Variants in PRLR observed in about 807,000 individuals in gnomAD.
PRLR encodes prolactin receptor.
PRLR carries 13 observed loss-of-function variants against 40.2 expected under a neutral mutation model. The ratio of observed to expected loss-of-function variants is 0.32; its 90% CI spans 0.21 to 0.51. PRLR has a LOEUF of 0.51. Among genes scored for constraint, PRLR ranks in the 20% least tolerant of loss-of-function variants. The pLI is 0.97. For synonymous variants in PRLR, 269 were observed against 278.7 expected, an observed-to-expected ratio of 0.97 and a Z score of 0.35; for missense variants, 656 against 747.3, an observed-to-expected ratio of 0.88 and a Z score of 1.42.
intron 5 of PRLR, among the ~76,000 whole-genome samples, chr5:35,077,074 C>A (rs1262509321): frequency 6.6e-6 from 1 of 152,156 alleles, no homozygotes; most frequent in Non-Finnish European, 1.5e-5. Flanking sequence ...ACAACCGGTA[C>A]CAGCCACTGC....
intron 2 of PRLR, among the ~76,000 whole-genome samples, chr5:35,090,867 G>A (rs1466315220): frequency 7.4e-6 from 1 of 134,296 alleles, no homozygotes; most frequent in Non-Finnish European, 1.5e-5. Flanking sequence ...CTGGAGTGCA[G>A]TGGCGCGATC....
intron 2 of PRLR, among the ~76,000 whole-genome samples, chr5:35,116,242 C>T (rs1270580390): frequency 6.6e-6 from 1 of 152,070 alleles, no homozygotes; most frequent in Non-Finnish European, 1.5e-5. Flanking sequence ...CCTTTTAGGG[C>T]CTTGGTTTGC....
chr5:35,157,077 T>A (rs967995682), intron 1 of PRLR, among the ~76,000 whole-genome samples: 1 of 151,992 alleles, frequency 6.6e-6, no homozygotes, highest in Admixed American at 6.5e-5. Flanking sequence ...TGCAATGAGA[T>A]ATCTTGGGAA....
At chr5:35,103,665 T>G (rs1197262307) in intron 2 of PRLR, among the ~76,000 whole-genome samples, 2 of 152,214 alleles carry the variant, frequency 1.3e-5, no homozygotes, top group East Asian at 1.9e-4. Flanking sequence ...CCCATGATGG[T>G]TTTTCATCCT....
At chr5:35,216,909 G>A (rs1443029031) in intron 1 of PRLR, among the ~76,000 whole-genome samples, 1 of 152,212 alleles carries the variant, frequency 6.6e-6, no homozygotes, top group Non-Finnish European at 1.5e-5. Flanking sequence ...TTACAGCATA[G>A]TGGTCTTGAC....
intron 1 of PRLR, among the ~76,000 whole-genome samples, chr5:35,228,721 A>C (rs1199289423): frequency 2.0e-5 from 3 of 152,140 alleles, no homozygotes; most frequent in Non-Finnish European, 2.9e-5. Context: ...AGAGCTCTGG[A>C]GAGAGCATGT....
At chr5:35,193,820 G>A (rs1324061586) in intron 1 of PRLR, among the ~76,000 whole-genome samples, 3 of 152,166 alleles carry the variant, frequency 2.0e-5, no homozygotes. Flanking sequence ...GAGGTCATAT[G>A]GGCTAATTCT....
intron 1 of PRLR, among the ~76,000 whole-genome samples, chr5:35,209,746 C>T (rs982200964): frequency 2.0e-5 from 3 of 152,190 alleles, no homozygotes; most frequent in African/African-American, 7.2e-5. Flanking sequence ...AACGTATTCA[C>T]TGTGCCATGA....
intron 1 of PRLR, among the ~76,000 whole-genome samples, chr5:35,146,281 A>G (rs1774178724): frequency 6.6e-6 from 1 of 152,210 alleles, no homozygotes; most frequent in African/African-American, 2.4e-5. Flanking sequence ...CAAGGAGCTC[A>G]TAGTGTAGGA....
chr5:35,197,955 T>A (rs1775781262), intron 1 of PRLR, among the ~76,000 whole-genome samples: 1 of 152,208 alleles, frequency 6.6e-6, no homozygotes, highest in South Asian at 2.1e-4. Context: ...GAAAACCGCC[T>A]CTGATGGCTG....
intron 1 of PRLR, among the ~76,000 whole-genome samples, chr5:35,229,180 C>G (rs973162645): frequency 2.0e-5 from 3 of 149,844 alleles, no homozygotes; most frequent in African/African-American, 7.3e-5. Context: ...GAAAAAAAAT[C>G]GAAGCCCAGA....
rs186055891 is a variant in PRLR, at chr5:35,179,424, C to T, written c.-106+50844G>A. Reference sequence around the variant, plus strand: ...TTTACTGATTGCTAGCTACAGGCCACGCGAATAAGGCAGTTGTGGTAATAG... The same window carrying T: ...TTTACTGATTGCTAGCTACAGGCCATGCGAATAAGGCAGTTGTGGTAATAG... On this transcript the variant is annotated intron_variant, in intron 1 of 9. Coordinates refer to ENST00000618457, the MANE Select transcript of PRLR (RefSeq NM_000949.7). Among the ~76,000 whole-genome samples, 6 of 152,284 alleles carry T rather than the reference C, an allele frequency of 3.9e-5. No homozygotes were observed. In the East Asian group the frequency reaches 7.7e-4, roughly 20 times the overall value.
intron 1 of PRLR, among the ~76,000 whole-genome samples, chr5:35,183,956 A>C (rs1345149138): frequency 6.6e-6 from 1 of 152,160 alleles, no homozygotes; most frequent in African/African-American, 2.4e-5. Context: ...TGATAACTTG[A>C]ATTTATTTGT....
rs1268584420 is a variant in PRLR, at chr5:35,059,838, T to C, written c.*5251A>G. On this transcript the variant is annotated 3_prime_UTR_variant, in exon 10 of 10. Coordinates refer to ENST00000618457, the MANE Select transcript of PRLR (RefSeq NM_000949.7). The stretch of plus-strand genomic sequence containing the variant: ...CCAGTATCTAGTCATCGAAGTAACT[T>C]GGGTTTATTTATTGAGACAAGGTCT... The C allele has an allele frequency of 6.6e-6, 1 of 152,128 alleles. No homozygotes were observed. Among genetic ancestry groups the C allele is most frequent in the East Asian group, 1.9e-4 (1 of 5,198 alleles). 9.4% of individuals were successfully genotyped at this position (152,128 alleles called of 1,614,324 possible).
chr5:35,176,054 T>C (rs986901314), intron 1 of PRLR, among the ~76,000 whole-genome samples: 3 of 152,214 alleles, frequency 2.0e-5, no homozygotes, highest in Admixed American at 2.0e-4. Context: ...TAAATAAACA[T>C]ATACACACAT....
rs574366797 is a variant in PRLR at position 35,122,044 on chromosome 5, C to T, written c.-105-3922G>A. On this transcript the variant is annotated intron_variant, in intron 1 of 9. Coordinates refer to ENST00000618457, the MANE Select transcript of PRLR (RefSeq NM_000949.7). Reference sequence around the variant, plus strand: ...ACAATTAACAAATGAGAAAATAATACATGGTAATTCATCACAAGACATGAG... The same window carrying T: ...ACAATTAACAAATGAGAAAATAATATATGGTAATTCATCACAAGACATGAG... Among the ~76,000 whole-genome samples, 26 of 152,214 alleles carry T rather than the reference C, an allele frequency of 1.7e-4. No homozygotes were observed. In the South Asian group the frequency reaches 5.2e-3, roughly 30 times the overall value.
At chr5:35,050,492 T>C (rs1011698322) in intron 8 of PRLR, among the ~76,000 whole-genome samples, 2 of 152,236 alleles carry the variant, frequency 1.3e-5, no homozygotes, top group Non-Finnish European at 2.9e-5. Context: ...CTAGAGAAGA[T>C]GAAGAACTAT....
At chr5:35,113,881 T>C (rs1772852554) in intron 2 of PRLR, among the ~76,000 whole-genome samples, 1 of 152,224 alleles carries the variant, frequency 6.6e-6, no homozygotes, top group East Asian at 1.9e-4. Context: ...TAGCTGGGTC[T>C]GGCAGACACT....
At chr5:35,155,176 C>A (rs1269801663) in intron 1 of PRLR, among the ~76,000 whole-genome samples, 3 of 152,232 alleles carry the variant, frequency 2.0e-5, no homozygotes, top group South Asian at 4.1e-4. Context: ...AATATTAAAT[C>A]ATATGAATAA....
Sources: allele counts gnomAD v4.1 joint callset (sites outside exome capture counted in the v4.1 genomes callset), GRCh38; gene constraint gnomAD v4.1.1; transcripts MANE v1.5; gene names NCBI Gene and HGNC (gene_info 2026-07-23, HGNC 2026-07-21).